The following ASIC2 variants were observed in gnomAD, a reference collection of about 807,000 sequenced individuals.
The protein encoded by ASIC2 is acid sensing ion channel subunit 2.
Under a neutral mutation model 57.3 loss-of-function variants are expected in ASIC2, and 25 were observed. That is an observed-to-expected ratio of 0.44 (90% CI 0.32 to 0.61). The LOEUF is 0.61. Among genes scored for constraint, ASIC2 ranks in the 20% least tolerant of loss-of-function variants. The pLI is 0.06. For synonymous variants in ASIC2, 319 were observed against 307.5 expected (o/e 1.04, Z -0.39); for missense variants, 641 against 738.1 (o/e 0.87, Z 1.52).
chr17:33,530,794 T>C (rs1396539633), intron 1 of ASIC2, among the ~76,000 whole-genome samples: 1 of 152,216 alleles, frequency 6.6e-6, no homozygotes, highest in Non-Finnish European at 1.5e-5. Flanking sequence ...CTGCCTCTCA[T>C]AGCTTTGATA....
chr17:33,248,746 C>T (rs1007359221), intron 1 of ASIC2, among the ~76,000 whole-genome samples: 3 of 152,202 alleles, frequency 2.0e-5, no homozygotes, highest in Non-Finnish European at 4.4e-5. Context: ...CATTCTCCTC[C>T]TCTCTGTATG....
At chr17:33,831,583 T>TAAAAAAA (rs11314344) in intron 1 of ASIC2, among the ~76,000 whole-genome samples, 1 of 142,658 alleles carries the variant, frequency 7.0e-6, no homozygotes, top group Non-Finnish European at 1.5e-5. Context: ...TGATCTGAAG[T>TAAAAAAA]AAAAAAAAAA....
chr17:34,098,681 C>T (rs147020991), intron 1 of ASIC2, among the ~76,000 whole-genome samples: 53 of 152,274 alleles, frequency 3.5e-4, no homozygotes, highest in African/African-American at 1.2e-3. Context: ...CTTTCCGTAA[C>T]TGTGTGTAGA....
At chr17:33,743,535 A>G (rs1910170427) in intron 1 of ASIC2, among the ~76,000 whole-genome samples, 1 of 152,242 alleles carries the variant, frequency 6.6e-6, no homozygotes, top group African/African-American at 2.4e-5. Flanking sequence ...ATTAACATTT[A>G]AATTGGTAGA....
intron 1 of ASIC2, among the ~76,000 whole-genome samples, chr17:33,151,717 T>C (rs1328179655): frequency 6.6e-6 from 1 of 152,176 alleles, no homozygotes; most frequent in Non-Finnish European, 1.5e-5. Context: ...TCATGTGTGC[T>C]CTCTTGCCTG....
At chr17:33,616,497 G>A (rs1225795253) in intron 1 of ASIC2, among the ~76,000 whole-genome samples, 2 of 152,196 alleles carry the variant, frequency 1.3e-5, no homozygotes, top group Admixed American at 6.5e-5. Context: ...TGTGATTTGA[G>A]CAAGTCACTT....
In ASIC2 at chr17:33,559,240, C is replaced by T. The variant is rs183588786; in HGVS notation, c.556-447173G>A. Among the ~76,000 whole-genome samples, 31 of 152,316 alleles carry T rather than the reference C, an allele frequency of 2.0e-4. 1 individual carries two copies. The highest frequency in any genetic ancestry group is 1.8e-3 in the Admixed American group (27 of 15,308). On this transcript the variant is annotated intron_variant, in intron 1 of 9. Coordinates refer to the ASIC2 transcript ENST00000359872. ...CCTTCCTGGTAAGCTTTTATGCCTTCTCCCTGTGTCTGTGCTGTCCATGAC... is the reference window on the plus strand; with the variant it reads ...CCTTCCTGGTAAGCTTTTATGCCTTTTCCCTGTGTCTGTGCTGTCCATGAC...
intron 1 of ASIC2, among the ~76,000 whole-genome samples, chr17:33,579,745 A>C (rs1293895121): frequency 6.6e-6 from 1 of 152,198 alleles, no homozygotes; most frequent in Non-Finnish European, 1.5e-5. Context: ...CCCAAACACT[A>C]AACAGCAGCA....
At chr17:33,224,753 G>T (rs1269193583) in intron 1 of ASIC2, among the ~76,000 whole-genome samples, 3 of 152,210 alleles carry the variant, frequency 2.0e-5, no homozygotes, top group Non-Finnish European at 4.4e-5. Flanking sequence ...AGTGTTGGCA[G>T]CTGGGGTTGC....
rs1382584528 is a variant in ASIC2, at chr17:33,923,568, G to T, written c.555+232410C>A. 2.6e-5 allele frequency among the ~76,000 whole-genome samples: 4 copies of T among 152,104 alleles called. No individual in the cohort carries two copies. The East Asian group carries it at 7.7e-4, about 29-fold the overall frequency. ...GCAAAATGCACTGCTTCTCCTTGTG[G>T]CTGGACCTTACAATTATTTATAGGG... On this transcript the variant is annotated intron_variant, in intron 1 of 9. Coordinates refer to the ASIC2 transcript ENST00000359872.
At chr17:33,818,376 G>A (rs931010809) in intron 1 of ASIC2, among the ~76,000 whole-genome samples, 6 of 152,134 alleles carry the variant, frequency 3.9e-5, no homozygotes, top group Non-Finnish European at 5.9e-5. Flanking sequence ...AAACCTCATA[G>A]CAACTCTGCG....
intron 1 of ASIC2, among the ~76,000 whole-genome samples, chr17:33,282,564 TC>T (rs1430442304): frequency 6.6e-6 from 1 of 152,022 alleles, no homozygotes; most frequent in Non-Finnish European, 1.5e-5. Flanking sequence ...AACCTCCGCC[TC>T]CCAGGTTCAG....
intron 3 of ASIC2, among the ~76,000 whole-genome samples, chr17:33,080,933 G>A (rs11871218): frequency 0.2 from 29,926 of 152,198 alleles, 3,799 homozygotes; most frequent in South Asian, 0.37. Context: ...TCCATTTAAT[G>A]TTTTCAGGCT....
chr17:33,379,844 T>G (rs1288915152), intron 1 of ASIC2, among the ~76,000 whole-genome samples: 1 of 152,194 alleles, frequency 6.6e-6, no homozygotes, highest in South Asian at 2.1e-4. Flanking sequence ...CTCACTCTAT[T>G]CCATGTACAT....
In ASIC2 at chr17:33,502,712, C is replaced by T. The variant is rs542693848; in HGVS notation, c.556-390645G>A. Among the ~76,000 whole-genome samples, 7 of 152,294 alleles carry T rather than the reference C, an allele frequency of 4.6e-5. No homozygotes were observed. In the South Asian group the frequency reaches 1.5e-3, roughly 32 times the overall value. ...GCTCTATTTTCCCATGAAATCAGTTCTTCTTTTTCTGGGTCCCAGTGTCCG... is the reference window on the plus strand; with the variant it reads ...GCTCTATTTTCCCATGAAATCAGTTTTTCTTTTTCTGGGTCCCAGTGTCCG... On this transcript the variant is annotated intron_variant, in intron 1 of 9. Coordinates refer to the ASIC2 transcript ENST00000359872.
chr17:33,822,879 G>A (rs1302852593), intron 1 of ASIC2, among the ~76,000 whole-genome samples: 1 of 152,168 alleles, frequency 6.6e-6, no homozygotes, highest in Non-Finnish European at 1.5e-5. Context: ...AAGCAGCATG[G>A]TTGAAAATGG....
At chr17:33,036,058 G>T (rs1046882321) in intron 3 of ASIC2, among the ~76,000 whole-genome samples, 1 of 152,130 alleles carries the variant, frequency 6.6e-6, no homozygotes, top group African/African-American at 2.4e-5. Flanking sequence ...GTCTCTCTCC[G>T]GTGCTGTCAA....
At chr17:33,383,251 C>G (rs1050881133) in intron 1 of ASIC2, among the ~76,000 whole-genome samples, 2 of 152,152 alleles carry the variant, frequency 1.3e-5, no homozygotes, top group Non-Finnish European at 2.9e-5. Context: ...ATACCCTTTC[C>G]TTTCATTAGA....
intron 1 of ASIC2, among the ~76,000 whole-genome samples, chr17:33,160,998 A>G (rs375886675): frequency 1.2e-4 from 19 of 152,322 alleles, no homozygotes; most frequent in African/African-American, 3.4e-4. Context: ...GAGACCTGAA[A>G]CAGCTTGGAG....
Sources: allele counts gnomAD v4.1 joint callset (sites outside exome capture counted in the v4.1 genomes callset), GRCh38; gene constraint gnomAD v4.1.1; transcripts MANE v1.5; gene names NCBI Gene and HGNC (gene_info 2026-07-23, HGNC 2026-07-21).